The following NFATC1 variants were observed in gnomAD, a reference collection of about 807,000 sequenced individuals.
The protein encoded by NFATC1 is nuclear factor of activated T-cells, cytoplasmic 1.
NFATC1 carries 22 observed loss-of-function variants against 76.0 expected under a neutral mutation model. The ratio of observed to expected loss-of-function variants is 0.29; its 90% CI spans 0.21 to 0.41. NFATC1 has a LOEUF of 0.41. Among genes scored for constraint, NFATC1 ranks in the 10% least tolerant of loss-of-function variants. The probability of loss-of-function intolerance (pLI) is 1.00; values close to 1 mark genes in which losing one functional copy is unlikely to be tolerated. For synonymous variants in NFATC1, 704 were observed against 613.1 expected (o/e 1.15, Z -2.19); for missense variants, 1,357 against 1,337.7 (o/e 1.01, Z -0.23).
chr18:79,471,548 C>T (rs774483935), intron 8 of NFATC1, among the ~76,000 whole-genome samples: 1 of 152,218 alleles, frequency 6.6e-6, no homozygotes, highest in Non-Finnish European at 1.5e-5. Context: ...GGCCCCTGAG[C>T]TGGGGACACG....
intron 9 of NFATC1, chr18:79,527,094 C>T (rs1170631775): frequency 6.1e-6 from 1 of 165,000 alleles, no homozygotes; most frequent in Admixed American, 5.8e-5. Flanking sequence ...CTGTGGGGGA[C>T]TCAGGGACTC....
chr18:79,412,530 G>A, intron 2 of NFATC1, among the ~76,000 whole-genome samples: 1 of 151,908 alleles, frequency 6.6e-6, no homozygotes, highest in East Asian at 1.9e-4. Flanking sequence ...GGCAGGTGCA[G>A]CCCCCATGCC....
In NFATC1 at chr18:79,528,234, T is replaced by C. The variant is rs1157341459; in HGVS notation, c.*657T>C. The stretch of plus-strand genomic sequence containing the variant: ...TGTCTGCGCGGTTGAAACCGTAGGC[T>C]TGTTCATAGTCGCATGCTCGCATCT... On this transcript the variant is annotated 3_prime_UTR_variant, in exon 10 of 10. Transcript: ENST00000427363. The C allele has an allele frequency of 3.3e-6, 1 of 307,244 alleles. No homozygotes were observed. Among genetic ancestry groups the C allele is most frequent in the South Asian group, 1.6e-4 (1 of 6,178 alleles). The allele number at this position is 307,244 out of a possible 1,614,324, so 19.0% of individuals were successfully genotyped here.
chr18:79,448,375 G>A (rs1243954499), intron 3 of NFATC1: 4 of 228,656 alleles, frequency 1.7e-5, no homozygotes, highest in African/African-American at 6.8e-5. Context: ...CGCGCTGCCC[G>A]GTTCCAGGTT....
chr18:79,503,271 C>G (rs962285618), intron 9 of NFATC1, among the ~76,000 whole-genome samples: 9 of 152,184 alleles, frequency 5.9e-5, no homozygotes, highest in African/African-American at 2.2e-4. Flanking sequence ...GGTTCAGCCT[C>G]AGACCACTGG....
In NFATC1 at chr18:79,448,793, C is replaced by T; in HGVS notation, c.1398C>T (p.Tyr466=). ...GGHPIVQLHG[Y]LENEPLMLQL... The stretch of plus-strand genomic sequence containing the variant: ...TGTTCTCTCGCCAGCTGCATGGCTA[C>T]TTGGAGAATGAGCCGCTGATGCTGC... The change falls in exon 4 of 10, where the codon TAC becomes TAT. Residue 466 remains tyrosine (Y), a synonymous_variant. Coordinates refer to ENST00000427363, the MANE Select transcript of NFATC1 (RefSeq NM_001278669.2). The T allele has an allele frequency of 3.1e-6, 5 of 1,613,580 alleles. No individual in the cohort carries two copies. The highest frequency in any genetic ancestry group is 4.2e-6 in the Non-Finnish European group (5 of 1,179,866).
chr18:79,472,799 C>T (rs997992286), intron 8 of NFATC1, among the ~76,000 whole-genome samples: 42 of 152,354 alleles, frequency 2.8e-4, no homozygotes, highest in African/African-American at 9.1e-4. Context: ...CTCCTGACAA[C>T]GTCAGGTCAG....
chr18:79,495,045 G>A (rs1402313639), intron 9 of NFATC1, among the ~76,000 whole-genome samples: 1 of 152,274 alleles, frequency 6.6e-6, no homozygotes, highest in African/African-American at 2.4e-5. Context: ...TGGGGCAGCT[G>A]CAGTGGCAAG....
At chr18:79,451,313 G>C (rs961028234) in intron 5 of NFATC1, among the ~76,000 whole-genome samples, 187 bp downstream of exon 5, 7 of 152,236 alleles carry the variant, frequency 4.6e-5, no homozygotes, top group Non-Finnish European at 8.8e-5. Flanking sequence ...GTGGCCTCCC[G>C]GGGGCCCCTG....
chr18:79,430,213 T>G (rs1281660700), intron 2 of NFATC1, among the ~76,000 whole-genome samples: 1 of 152,230 alleles, frequency 6.6e-6, no homozygotes, highest in Non-Finnish European at 1.5e-5. Context: ...CAGAGTGGTT[T>G]AGACTGCCTT....
chr18:79,463,343 G>A (rs963796569), intron 7 of NFATC1, among the ~76,000 whole-genome samples: 6 of 147,152 alleles, frequency 4.1e-5, no homozygotes, highest in Non-Finnish European at 6.0e-5. Context: ...CCCGTTGTCC[G>A]CAGAGCCAGT....
chr18:79,510,600 T>TGTGGGAAACGCAGTGTCATGAG, intron 9 of NFATC1, among the ~76,000 whole-genome samples: 1 of 152,218 alleles, frequency 6.6e-6, no homozygotes, highest in Non-Finnish European at 1.5e-5. Flanking sequence ...TTTCTGTTTA[T>TGTGGGAAACGCAGTGTCATGAG]GTGGGAAACG....
intron 8 of NFATC1, chr18:79,468,484 T>C (rs966021835): frequency 6.6e-6 from 1 of 152,244 alleles, no homozygotes; most frequent in African/African-American, 2.4e-5. Flanking sequence ...ATAATCTTTT[T>C]ATATTGCTTT....
At chr18:79,397,889 G>C (rs577816229) in intron 1 of NFATC1, among the ~76,000 whole-genome samples, 24 of 152,338 alleles carry the variant, frequency 1.6e-4, no homozygotes, top group Middle Eastern at 3.4e-3. Flanking sequence ...AAGGCAGTGC[G>C]CCGGGCAGCG....
At chr18:79,480,168 C>G (rs1242336165) in intron 8 of NFATC1, among the ~76,000 whole-genome samples, 1 of 152,202 alleles carries the variant, frequency 6.6e-6, no homozygotes, top group African/African-American at 2.4e-5. Context: ...GTGCGGTGAT[C>G]CCAGGTTTCA....
In NFATC1 at chr18:79,486,796, A is replaced by G. The variant is rs1158024646; in HGVS notation, c.2641A>G (p.Thr881Ala). The G allele has an allele frequency of 1.2e-6, 2 of 1,610,406 alleles. No individual in the cohort carries two copies. Among genetic ancestry groups the G allele is most frequent in the Non-Finnish European group, 1.7e-6 (2 of 1,178,910 alleles). Reference sequence around the variant, plus strand: ...GGGCCGCCCGCAGCACCTGCCGTCCACGGTCCGCAGGGACGAGTCTCCGAC... The same window carrying G: ...GGGCCGCCCGCAGCACCTGCCGTCCGCGGTCCGCAGGGACGAGTCTCCGAC... Reference protein sequence around the residue: ...ATGRPQHLPSTVRRDESPTAG... With the variant: ...ATGRPQHLPSAVRRDESPTAG... Residue 881 changes from threonine (T) to alanine (A), a missense_variant, in exon 9 of 10, where the codon ACG (threonine) becomes GCG (alanine). Physicochemically the swap from Thr to Ala is moderately conservative, Grantham distance 58. Around this residue, in one of 3 missense-constraint regions of NFATC1, gnomAD observed 424 missense variants for 395.4 expected, o/e 1.07. Transcript: ENST00000427363.
At chr18:79,492,502 G>A (rs2089709213) in intron 9 of NFATC1, among the ~76,000 whole-genome samples, 1 of 152,124 alleles carries the variant, frequency 6.6e-6, no homozygotes, top group East Asian at 1.9e-4. Context: ...GAGGCCAGAA[G>A]ATCGAAACCA....
At chr18:79,526,225 G>C (rs779260537) in intron 9 of NFATC1, among the ~76,000 whole-genome samples, 5 of 152,268 alleles carry the variant, frequency 3.3e-5, no homozygotes, top group Non-Finnish European at 5.9e-5. Flanking sequence ...CCTGGGCCCT[G>C]TCGTTATCCT....
In NFATC1 at chr18:79,448,848, C is replaced by T. The variant is rs747845185; in HGVS notation, c.1453C>T (p.Leu485=). ...TTTCATTGGGACGGCGGACGACCGC[C>T]TGCTGCGCCCGCACGCCTTCTACCA... ...QLFIGTADDR[L]LRPHAFYQVH... The change falls in exon 4 of 10, where the codon CTG becomes TTG. Residue 485 remains leucine (L), a synonymous_variant. Coordinates refer to ENST00000427363, the MANE Select transcript of NFATC1 (RefSeq NM_001278669.2). The T allele has an allele frequency of 5.0e-6, 8 of 1,613,850 alleles. No individual in the cohort carries two copies. In the East Asian group the frequency reaches 1.8e-4, roughly 36 times the overall value.
Sources: gnomAD v4.1 joint callset for allele counts (sites outside exome capture counted in the v4.1 genomes callset) on GRCh38, gnomAD v4.1.1 for gene constraint, gnomAD v4.1.1 regional missense constraint, MANE v1.5 for transcripts, NCBI Gene and HGNC (gene_info 2026-07-23, HGNC 2026-07-21) for gene names.